The following AP1M1 variants were observed in gnomAD, a reference collection of about 807,000 sequenced individuals.
AP1M1 encodes AP-1 complex subunit mu-1.
AP1M1 carries 18 observed loss-of-function variants against 57.1 expected under a neutral mutation model. The ratio of observed to expected loss-of-function variants is 0.32; its 90% CI spans 0.22 to 0.47. The LOEUF is 0.47. Among genes scored for constraint, AP1M1 ranks in the 20% least tolerant of loss-of-function variants. The probability of loss-of-function intolerance (pLI) is 1.00; values close to 1 mark genes in which losing one functional copy is unlikely to be tolerated. For synonymous variants in AP1M1, 241 were observed against 237.9 expected, an observed-to-expected ratio of 1.01 and a Z score of -0.12; for missense variants, 362 against 593.5, an observed-to-expected ratio of 0.61 and a Z score of 4.05.
chr19:16,245,764 CCTTT>C lies in AP1M1; in HGVS notation c.*11332_*11335del, dbSNP rs957569218. 5.3e-5 allele frequency: 8 copies of C among 151,896 alleles called. No individual in the cohort carries two copies. Among genetic ancestry groups the C allele is most frequent in the African/African-American group, 1.5e-4 (6 of 41,344 alleles). The allele number at this position is 151,896 out of a possible 1,614,324, so 9.4% of individuals were successfully genotyped here. ...GTCTTACTTTGTTTTCTATTTTTGT[CCTTT>C]CTATGTTCTCTTTTATGTCCTCTCT... On this transcript the variant is annotated 3_prime_UTR_variant, in exon 12 of 12. Coordinates refer to ENST00000291439, the MANE Select transcript of AP1M1 (RefSeq NM_032493.4).
chr19:16,238,184 A>G lies in AP1M1; in HGVS notation c.*3749A>G, dbSNP rs1450913696. 6.6e-6 allele frequency: 1 copy of G among 152,192 alleles called. No individual in the cohort carries two copies. The highest frequency in any genetic ancestry group is 2.4e-5 in the African/African-American group (1 of 41,450). The allele number at this position is 152,192 out of a possible 1,614,324, so 9.4% of individuals were successfully genotyped here. ...GCTAGCTATGTACTGACTGTGGGAA[A>G]GTTGAGAACATCCTCCCTGAAGTCA... On this transcript the variant is annotated 3_prime_UTR_variant, in exon 12 of 12. Transcript: ENST00000291439.
intron 5 of AP1M1, among the ~76,000 whole-genome samples, chr19:16,225,735 T>C (rs2091568392): frequency 6.6e-6 from 1 of 152,084 alleles, no homozygotes. Flanking sequence ...TGGATTTAAG[T>C]TGATTATTTT....
At chr19:16,221,310 A>C (rs2091543352) in intron 5 of AP1M1, among the ~76,000 whole-genome samples, 1 of 152,236 alleles carries the variant, frequency 6.6e-6, no homozygotes, top group African/African-American at 2.4e-5. Flanking sequence ...TCAAACAAAA[A>C]GTTTTCTCAG....
chr19:16,231,124 T>TA (rs2091594285), intron 9 of AP1M1, among the ~76,000 whole-genome samples: 1 of 151,682 alleles, frequency 6.6e-6, no homozygotes, highest in South Asian at 2.1e-4. Flanking sequence ...CCGTCTCTAC[T>TA]AAAAATACAA....
Position 16,228,669 on chromosome 19 carries a change from G to A in AP1M1, c.889-101G>A. ...AGAAGTGGGGCCAGGGGCGGGGCTA[G>A]GGAGGATCCCCCGGGCCAGGCTGAG... On this transcript the variant is annotated intron_variant, in intron 8 of 11. Coordinates refer to ENST00000291439, the MANE Select transcript of AP1M1 (RefSeq NM_032493.4). This position sits in a 1 kb window ranked among gnomAD's most constrained non-coding sequence, Gnocchi z 5.0. 1.4e-6 allele frequency: 2 copies of A among 1,392,508 alleles called. No homozygotes were observed. Among genetic ancestry groups the A allele is most frequent in the East Asian group, 2.4e-5 (1 of 41,980 alleles). 86.3% of individuals were successfully genotyped at this position (1,392,508 alleles called of 1,614,324 possible). A position where few individuals can be genotyped will look rare whatever the true frequency, so the allele number is the denominator to read the frequency against.
intron 5 of AP1M1, 95 bp downstream of exon 5, chr19:16,209,272 G>T: frequency 7.2e-7 from 1 of 1,385,448 alleles, no homozygotes; most frequent in Non-Finnish European, 1.0e-6. Context: ...CCCGAGAGCC[G>T]TTCTGTGTGG....
rs149226419 is a variant in AP1M1, at chr19:16,224,965, G to GGAGA, written c.547-1443_547-1440dup. 8.6e-5 allele frequency among the ~76,000 whole-genome samples: 13 copies of GGAGA among 151,488 alleles called. 1 individual carries two copies. The East Asian group carries it at 9.9e-4, about 12-fold the overall frequency. ...AGCCCCACGTGGCTTCCCCCAGCAG[G>GGAGA]GAGAGAGAGAGAGAGACAAGCAGGC... On this transcript the variant is annotated intron_variant, in intron 5 of 11. Transcript: ENST00000291439.
chr19:16,218,563 C>G (rs1362197488), intron 5 of AP1M1, among the ~76,000 whole-genome samples: 2 of 152,172 alleles, frequency 1.3e-5, no homozygotes, highest in Non-Finnish European at 2.9e-5. Flanking sequence ...CTATGTCTTC[C>G]CTCCGTTCAC....
intron 1 of AP1M1, among the ~76,000 whole-genome samples, chr19:16,201,871 C>T (rs190654387): frequency 2.3e-3 from 351 of 152,294 alleles, no homozygotes; most frequent in African/African-American, 8.2e-3. Flanking sequence ...GTCAGAGGGG[C>T]TGTGAGGAGC....
At chr19:16,211,113 T>C (rs1317573849) in intron 5 of AP1M1, among the ~76,000 whole-genome samples, 2 of 147,768 alleles carry the variant, frequency 1.4e-5, no homozygotes, top group East Asian at 4.0e-4. Flanking sequence ...TTTTTTTTTT[T>C]CGACAGAGTC....
At chr19:16,200,571 C>T (rs1381273829) in intron 1 of AP1M1, among the ~76,000 whole-genome samples, 5 of 152,168 alleles carry the variant, frequency 3.3e-5, no homozygotes, top group East Asian at 1.9e-4. Context: ...ACCCACGGAC[C>T]TCCTGTTTCC....
chr19:16,221,840 C>A (rs1028763457), intron 5 of AP1M1, among the ~76,000 whole-genome samples: 1 of 152,206 alleles, frequency 6.6e-6, no homozygotes, highest in Non-Finnish European at 1.5e-5. Flanking sequence ...GCATTCACCA[C>A]CACACTTGGC....
intron 9 of AP1M1, among the ~76,000 whole-genome samples, chr19:16,229,589 TCTG>T (rs764248287): frequency 3.9e-5 from 6 of 152,150 alleles, no homozygotes; most frequent in Non-Finnish European, 1.5e-5. Flanking sequence ...TCTCTCTCCA[TCTG>T]CATCCCAGGG....
At chr19:16,208,216 G>A (rs2091478037) in intron 4 of AP1M1, 67 bp downstream of exon 4, 1 of 1,510,070 alleles carries the variant, frequency 6.6e-7, no homozygotes, top group South Asian at 1.3e-5. Flanking sequence ...GTCATCAGGT[G>A]TGGAAACAGA....
chr19:16,202,197 T>C (rs546158406), intron 1 of AP1M1, among the ~76,000 whole-genome samples: 1 of 152,176 alleles, frequency 6.6e-6, no homozygotes, highest in South Asian at 2.1e-4. Flanking sequence ...AGGCAGCGTG[T>C]GATGAAATGC....
chr19:16,222,025 T>C (rs2091546736), intron 5 of AP1M1, among the ~76,000 whole-genome samples: 1 of 152,030 alleles, frequency 6.6e-6, no homozygotes, highest in Non-Finnish European at 1.5e-5. Context: ...CCTTCAGGAC[T>C]CCAGTGACAT....
intron 9 of AP1M1, among the ~76,000 whole-genome samples, chr19:16,232,997 T>C (rs891311118): frequency 2.6e-5 from 4 of 152,146 alleles, no homozygotes; most frequent in South Asian, 2.1e-4. Flanking sequence ...GTTTCTTCCT[T>C]TTGTCGCCTC....
At position 16,206,499 on chromosome 19, in the gene AP1M1, G is replaced by C; in HGVS notation, c.267+91G>C. 1 of 1,379,492 alleles carries C rather than the reference G, an allele frequency of 7.2e-7. No individual in the cohort carries two copies. The highest frequency in any genetic ancestry group is 2.3e-5 in the East Asian group (1 of 43,510). The allele number at this position is 1,379,492 out of a possible 1,614,324, so 85.5% of individuals were successfully genotyped here. A position where few individuals can be genotyped will look rare whatever the true frequency, so the allele number is the denominator to read the frequency against. On this transcript the variant is annotated intron_variant, in intron 3 of 11. Coordinates refer to ENST00000291439, the MANE Select transcript of AP1M1 (RefSeq NM_032493.4). The surrounding 1 kb of genome is among the most constrained non-coding windows in gnomAD (Gnocchi z 4.3). ...CCCATACCTGGCCACCCTACAGAGA[G>C]CTGTGGCATCCCCAGGGAGCACTGG...
At chr19:16,226,196 A>G (rs1314615044) in intron 5 of AP1M1, among the ~76,000 whole-genome samples, 1 of 152,014 alleles carries the variant, frequency 6.6e-6, no homozygotes, top group Non-Finnish European at 1.5e-5. Context: ...TGAAGGCTGG[A>G]GGGGTGAGCC....
Sources: allele counts gnomAD v4.1 joint callset (sites outside exome capture counted in the v4.1 genomes callset), GRCh38; gene constraint gnomAD v4.1.1; non-coding constraint Gnocchi (gnomAD v3.1); transcripts MANE v1.5; gene names NCBI Gene and HGNC (gene_info 2026-07-23, HGNC 2026-07-21).